Variants in ANKRD17 observed in about 807,000 individuals in gnomAD.
ANKRD17 encodes ankyrin repeat domain 17.
Under a neutral mutation model 229.7 loss-of-function variants are expected in ANKRD17, and 19 were observed. The observed-to-expected ratio is 0.08, with a 90% CI of 0.06 to 0.12. ANKRD17 has a LOEUF of 0.12. Among genes scored for constraint, ANKRD17 ranks in the 10% least tolerant of loss-of-function variants. ANKRD17 has a pLI of 1.00. For missense variants in ANKRD17, 2,176 were observed against 3,176.8 expected (o/e 0.68, Z 7.57); for synonymous variants, 1,112 against 1,146.1 (o/e 0.97, Z 0.60).
chr4:73,157,349 A>C (rs1464762235), intron 3 of ANKRD17, among the ~76,000 whole-genome samples: 1 of 151,948 alleles, frequency 6.6e-6, no homozygotes, highest in Non-Finnish European at 1.5e-5. Flanking sequence ...ATTTGGGGGG[A>C]AGTTTCAAAT....
intron 1 of ANKRD17, among the ~76,000 whole-genome samples, chr4:73,224,210 C>T (rs543690451): frequency 6.6e-6 from 1 of 152,052 alleles, no homozygotes; most frequent in Non-Finnish European, 1.5e-5. Context: ...GCCACTGGCA[C>T]CCTAGCCTGG....
At chr4:73,139,456 C>CA in intron 15 of ANKRD17, 75 bp downstream of exon 15, 2 of 1,516,620 alleles carry the variant, frequency 1.3e-6, no homozygotes, top group Non-Finnish European at 1.8e-6. Flanking sequence ...TGGGTAACGG[C>CA]AAAAAATTTG....
chr4:73,098,932 C>T lies in ANKRD17; in HGVS notation c.4574-412G>A, dbSNP rs569538109. On this transcript the variant is annotated intron_variant, in intron 25 of 33. Coordinates refer to ENST00000358602, the MANE Select transcript of ANKRD17 (RefSeq NM_032217.5). ...CCCGCAAGCAGCCTCTGGTGAGTTCCGGGACAGCACTGGTAGGGAGTCAGA... is the reference window on the plus strand; with the variant it reads ...CCCGCAAGCAGCCTCTGGTGAGTTCTGGGACAGCACTGGTAGGGAGTCAGA... 9.4e-5 allele frequency: 95 copies of T among 1,010,082 alleles called. 1 individual carries two copies. In the South Asian group the frequency reaches 1.1e-3, roughly 12 times the overall value. 62.6% of individuals were successfully genotyped at this position (1,010,082 alleles called of 1,614,324 possible). A position where few individuals can be genotyped will look rare whatever the true frequency, so the allele number is the denominator to read the frequency against.
intron 1 of ANKRD17, among the ~76,000 whole-genome samples, chr4:73,188,680 T>A (rs921875801): frequency 3.9e-5 from 6 of 151,994 alleles, no homozygotes; most frequent in Non-Finnish European, 5.9e-5. Context: ...AGCTTCAAAA[T>A]AGAATACAAA....
intron 31 of ANKRD17, among the ~76,000 whole-genome samples, chr4:73,078,068 G>A (rs1020218998): frequency 1.3e-4 from 19 of 152,000 alleles, no homozygotes; most frequent in African/African-American, 4.6e-4. Context: ...TGATCAACAT[G>A]GTGAAACCCT....
At chr4:73,143,826 G>A (rs1729904745) in intron 11 of ANKRD17, among the ~76,000 whole-genome samples, 2 of 151,972 alleles carry the variant, frequency 1.3e-5, no homozygotes, top group African/African-American at 4.8e-5. Flanking sequence ...CTATAATCTT[G>A]AACTCCTGAG....
intron 1 of ANKRD17, among the ~76,000 whole-genome samples, chr4:73,231,355 G>C (rs1271716326): frequency 1.3e-5 from 2 of 152,144 alleles, no homozygotes; most frequent in African/African-American, 4.8e-5. Context: ...GAATCTCATT[G>C]CTATCACTGG....
At chr4:73,228,898 G>A (rs1742771917) in intron 1 of ANKRD17, among the ~76,000 whole-genome samples, 1 of 152,106 alleles carries the variant, frequency 6.6e-6, no homozygotes, top group Non-Finnish European at 1.5e-5. Flanking sequence ...GTCCAACAAT[G>A]ATAGACTGGA....
chr4:73,202,947 T>A (rs1223248750), intron 1 of ANKRD17, among the ~76,000 whole-genome samples: 1 of 151,976 alleles, frequency 6.6e-6, no homozygotes, highest in Non-Finnish European at 1.5e-5. Context: ...AGAAATGAAG[T>A]CTATAAAACT....
At chr4:73,161,400 G>T in intron 2 of ANKRD17, 52 bp from the exon 3 acceptor site, 1 of 1,584,014 alleles carries the variant, frequency 6.3e-7, no homozygotes. Flanking sequence ...GAGAAACAAA[G>T]CAAAATTCAA....
chr4:73,140,377 T>C (rs1729446391), intron 14 of ANKRD17, 94 bp from the exon 15 acceptor site: 1 of 1,276,022 alleles, frequency 7.8e-7, no homozygotes. Context: ...AGTTATGCAC[T>C]AAGTAATCAT....
chr4:73,193,625 A>G (rs922950560), intron 1 of ANKRD17, among the ~76,000 whole-genome samples: 1 of 152,132 alleles, frequency 6.6e-6, no homozygotes, highest in African/African-American at 2.4e-5. Flanking sequence ...AATCTTCAAT[A>G]AAGTATCTGT....
At chr4:73,220,638 T>C (rs183935083) in intron 1 of ANKRD17, among the ~76,000 whole-genome samples, 14 of 152,222 alleles carry the variant, frequency 9.2e-5, no homozygotes, top group Admixed American at 8.5e-4. Context: ...TGTTAACTAA[T>C]ATTCAATAAG....
rs144975663 is a variant in ANKRD17 at position 73,192,146 on chromosome 4, T to A, written c.394-14613A>T. Among the ~76,000 whole-genome samples the A allele has an allele frequency of 1.9e-3, 287 of 152,226 alleles. 1 individual carries two copies. The highest frequency in any genetic ancestry group is 6.6e-3 in the African/African-American group (275 of 41,584). On this transcript the variant is annotated intron_variant, in intron 1 of 33. Transcript: ENST00000358602. ...CTTCATGAACTTATTAATAGTGACA[T>A]TTCCCCCCAATTTATTGTCTTCCTC...
chr4:73,177,120 T>C (rs1385365627), intron 2 of ANKRD17, among the ~76,000 whole-genome samples: 2 of 152,210 alleles, frequency 1.3e-5, no homozygotes, highest in Non-Finnish European at 2.9e-5. Flanking sequence ...CACAAATACA[T>C]AATTCACGAA....
intron 24 of ANKRD17, 23 bp downstream of exon 24, chr4:73,113,769 T>C (rs1725609023): frequency 1.2e-5 from 18 of 1,551,742 alleles, no homozygotes; most frequent in Non-Finnish European, 1.6e-5. Flanking sequence ...TGGGTAGTTT[T>C]CATGTGTAAA....
At chr4:73,102,857 G>A (rs556135539) in intron 24 of ANKRD17, 20 of 247,406 alleles carry the variant, frequency 8.1e-5, no homozygotes, top group Admixed American at 1.7e-4. Flanking sequence ...TTAATTTGGC[G>A]AAATTTAAAA....
At chr4:73,249,671 T>C (rs1744810356) in intron 1 of ANKRD17, among the ~76,000 whole-genome samples, 1 of 152,136 alleles carries the variant, frequency 6.6e-6, no homozygotes, top group African/African-American at 2.4e-5. Flanking sequence ...CTGACTAACA[T>C]GGTGAAACTT....
chr4:73,184,324 T>C (rs749718198), intron 1 of ANKRD17, among the ~76,000 whole-genome samples: 12 of 151,056 alleles, frequency 7.9e-5, no homozygotes, highest in Non-Finnish European at 1.6e-4. Flanking sequence ...AGGTCAGGAG[T>C]TCGAGACCAG....
Sources: allele counts gnomAD v4.1 joint callset (sites outside exome capture counted in the v4.1 genomes callset), GRCh38; gene constraint gnomAD v4.1.1; transcripts MANE v1.5; gene names NCBI Gene and HGNC (gene_info 2026-07-23, HGNC 2026-07-21).